The following PIK3CA variants were observed in gnomAD, a reference collection of about 807,000 sequenced individuals.
PIK3CA encodes the protein phosphatidylinositol 4,5-bisphosphate 3-kinase catalytic subunit alpha isoform.
In PIK3CA, 27 loss-of-function variants were observed where a neutral mutation model predicts 138.2. That is an observed-to-expected ratio of 0.20 (90% CI 0.14 to 0.27). The LOEUF is 0.27. Ranked by LOEUF, PIK3CA falls within the 10% of genes least tolerant of loss-of-function variation. The probability of loss-of-function intolerance (pLI) is 1.00; values close to 1 mark genes in which losing one functional copy is unlikely to be tolerated. For missense variants in PIK3CA, 544 were observed against 1,277.4 expected (o/e 0.43, Z 8.75); for synonymous variants, 358 against 413.2 (o/e 0.87, Z 1.62).
intron 9 of PIK3CA, 92 bp downstream of exon 9, chr3:179,210,657 C>G (rs1724687902): frequency 8.0e-7 from 1 of 1,249,120 alleles, no homozygotes; most frequent in Non-Finnish European, 1.1e-6. Flanking sequence ...ATATATTTTA[C>G]TGGCATAGAT....
In PIK3CA at chr3:179,219,367, A is replaced by G. The variant is rs1724914021; in HGVS notation, c.1746+90A>G. The G allele has an allele frequency of 2.4e-6, 2 of 850,030 alleles. No homozygotes were observed. The highest frequency in any genetic ancestry group is 3.2e-4 in the Middle Eastern group (1 of 3,146). 52.7% of individuals were successfully genotyped at this position (850,030 alleles called of 1,614,324 possible). A position where few individuals can be genotyped will look rare whatever the true frequency, so the allele number is the denominator to read the frequency against. The stretch of plus-strand genomic sequence containing the variant: ...TCTCTCAGAAAGTCCACATAAATAA[A>G]TGAAATAGACTAATAGTAATATAGT... On this transcript the variant is annotated intron_variant, in intron 11 of 20. Coordinates refer to ENST00000263967, the MANE Select transcript of PIK3CA (RefSeq NM_006218.4). This position sits in a 1 kb window ranked among gnomAD's most constrained non-coding sequence, Gnocchi z 4.2.
intron 1 of PIK3CA, among the ~76,000 whole-genome samples, chr3:179,172,811 A>G (rs1240013384): frequency 6.6e-6 from 1 of 152,160 alleles, no homozygotes; most frequent in Non-Finnish European, 1.5e-5. Context: ...TTTCTCATAG[A>G]AATTGACAGG....
At chr3:179,214,560 A>G (rs12488074) in intron 9 of PIK3CA, among the ~76,000 whole-genome samples, 38,978 of 151,966 alleles carry the variant, frequency 0.26, 5,935 homozygotes, top group African/African-American at 0.42. Context: ...TCATCATAAT[A>G]TATAATAATA....
At chr3:179,205,352 A>T (rs1052243508) in intron 6 of PIK3CA, among the ~76,000 whole-genome samples, 11 of 152,232 alleles carry the variant, frequency 7.2e-5, no homozygotes, top group African/African-American at 2.7e-4. Flanking sequence ...AAGTTTTATC[A>T]GAATAGTTTC....
chr3:179,178,692 C>T (rs1723765592), intron 1 of PIK3CA, among the ~76,000 whole-genome samples: 2 of 152,212 alleles, frequency 1.3e-5, no homozygotes, highest in Admixed American at 1.3e-4. Context: ...ATGTCGTACT[C>T]ATGGCTCTAT....
At chr3:179,164,420 G>T (rs920309909) in intron 1 of PIK3CA, among the ~76,000 whole-genome samples, 1 of 152,106 alleles carries the variant, frequency 6.6e-6, no homozygotes, top group Non-Finnish European at 1.5e-5. Context: ...TTCCATCCAA[G>T]TTAAGAAAAG....
At chr3:179,214,026 G>A (rs562357626) in intron 9 of PIK3CA, among the ~76,000 whole-genome samples, 2 of 152,120 alleles carry the variant, frequency 1.3e-5, no homozygotes, top group African/African-American at 4.8e-5. Flanking sequence ...AAAGAGTTAC[G>A]GCCTTGCTCT....
chr3:179,223,935 A>T (rs1158047320), intron 14 of PIK3CA, 146 bp from the exon 15 acceptor site: 2 of 467,598 alleles, frequency 4.3e-6, no homozygotes, highest in Admixed American at 6.7e-5. Context: ...TGTTGTAGAA[A>T]CCCTCTTAAT....
rs2108392559 is a variant in PIK3CA, at chr3:179,203,568, G to A, written c.838G>A (p.Gly280Arg). The A allele has an allele frequency of 1.2e-6, 2 of 1,613,814 alleles. No homozygotes were observed. Among genetic ancestry groups the A allele is most frequent in the Non-Finnish European group, 1.7e-6 (2 of 1,179,916 alleles). Residue 280 changes from glycine to arginine, a missense_variant, in exon 5 of 21, where the codon GGG (glycine) becomes AGG (arginine). This residue lies in a region of PIK3CA where 234 missense variants were observed against 401.3 expected (regional missense o/e 0.58). Coordinates refer to ENST00000263967, the MANE Select transcript of PIK3CA (RefSeq NM_006218.4). Reference protein sequence around the residue: ...YKYIRSCIMLGRMPNLMLMAK... With the variant: ...YKYIRSCIMLRRMPNLMLMAK... ...GTATATAAGAAGCTGTATAATGCTT[G>A]GGAGGATGCCCAATTTGATGTTGAT...
chr3:179,148,160 C>G (rs1399496677), upstream of PIK3CA: 3 of 148,636 alleles, frequency 2.0e-5, no homozygotes, highest in African/African-American at 7.7e-5. Flanking sequence ...TTACCCTCTT[C>G]TGCCGGAGGA....
At chr3:179,154,660 GTTGC>G (rs1206481202) in intron 1 of PIK3CA, among the ~76,000 whole-genome samples, 3 of 152,118 alleles carry the variant, frequency 2.0e-5, no homozygotes, top group Non-Finnish European at 4.4e-5. Context: ...ATTGTAATGT[GTTGC>G]TTGCTAAGTA....
At chr3:179,208,531 A>T (rs922842742) in intron 6 of PIK3CA, among the ~76,000 whole-genome samples, 1 of 152,154 alleles carries the variant, frequency 6.6e-6, no homozygotes, top group Non-Finnish European at 1.5e-5. Context: ...TTAGTGAAAA[A>T]GGGGAAATAA....
At position 179,221,050 on chromosome 3, in the gene PIK3CA, G is replaced by T. The variant is rs200404201; in HGVS notation, c.2080G>T (p.Ala694Ser). 1.1e-4 allele frequency: 175 copies of T among 1,612,728 alleles called. No homozygotes were observed. Among genetic ancestry groups the T allele is most frequent in the Non-Finnish European group, 1.4e-4 (161 of 1,179,050 alleles). ...FGLLLESYCR[A>S]CGMYLKHLNR... ...CCTGCTTTTGGAGTCCTATTGTCGT[G>T]CATGTGGGATGTATTTGAAGCACCT... Residue 694 changes from alanine (A) to serine (S), a missense_variant, in exon 14 of 21, where the codon GCA becomes TCA. Around this residue, in one of 14 missense-constraint regions of PIK3CA, gnomAD observed 22 missense variants for 107.9 expected, o/e 0.20. Transcript: ENST00000263967.
At chr3:179,172,841 G>A (rs985207283) in intron 1 of PIK3CA, among the ~76,000 whole-genome samples, 4 of 152,012 alleles carry the variant, frequency 2.6e-5, no homozygotes, top group African/African-American at 9.7e-5. Flanking sequence ...AAATTTATAT[G>A]GAAGTGCAAA....
chr3:179,155,377 G>C (rs1723108747), intron 1 of PIK3CA, among the ~76,000 whole-genome samples: 1 of 152,146 alleles, frequency 6.6e-6, no homozygotes, highest in African/African-American at 2.4e-5. Flanking sequence ...CTGAAAAGCA[G>C]GTAAATTGCT....
At chr3:179,200,989 G>A (rs1724395999) in intron 3 of PIK3CA, among the ~76,000 whole-genome samples, 1 of 152,054 alleles carries the variant, frequency 6.6e-6, no homozygotes, top group African/African-American at 2.4e-5. Flanking sequence ...TATTCATAGG[G>A]GCAGTACCCA....
chr3:179,213,595 A>G (rs956815520), intron 9 of PIK3CA, among the ~76,000 whole-genome samples: 8 of 152,196 alleles, frequency 5.3e-5, no homozygotes, highest in Non-Finnish European at 1.0e-4. Flanking sequence ...CCTTATGTGA[A>G]AGATTTCTCT....
Position 179,233,984 on chromosome 3 carries a change from T to G in PIK3CA, c.2937-110T>G. 2 of 696,482 alleles carry G rather than the reference T, an allele frequency of 2.9e-6. 1 individual carries two copies. The highest frequency in any genetic ancestry group is 4.6e-5 in the South Asian group (2 of 43,712). The allele number at this position is 696,482 out of a possible 1,614,324, so 43.1% of individuals were successfully genotyped here. On this transcript the variant is annotated intron_variant, in intron 20 of 20. Coordinates refer to ENST00000263967, the MANE Select transcript of PIK3CA (RefSeq NM_006218.4). ...GAAGTGAGAGAGGAATGCTATTTTT[T>G]TATAGCTTTGTCTACGAAAGCCTCT...
intron 1 of PIK3CA, among the ~76,000 whole-genome samples, chr3:179,189,200 C>T (rs2108377439): frequency 6.6e-6 from 1 of 151,834 alleles, no homozygotes; most frequent in Admixed American, 6.6e-5. Context: ...CGTGACACAG[C>T]AAGACTCCAT....
Sources: gnomAD v4.1 joint callset for allele counts (sites outside exome capture counted in the v4.1 genomes callset) on GRCh38, gnomAD v4.1.1 for gene constraint, gnomAD v4.1.1 regional missense constraint, Gnocchi (gnomAD v3.1) non-coding constraint, MANE v1.5 for transcripts, NCBI Gene and HGNC (gene_info 2026-07-23, HGNC 2026-07-21) for gene names.